Variants in CNTLN observed in about 807,000 individuals in gnomAD.
The protein encoded by CNTLN is centlein, centrosomal protein.
In CNTLN, 212 loss-of-function variants were observed where a neutral mutation model predicts 180.0. The ratio of observed to expected loss-of-function variants is 1.18; its 90% CI spans 1.05 to 1.32. The LOEUF is 1.32. Ranked by LOEUF, CNTLN falls within the 40% of genes most tolerant of loss-of-function variation. CNTLN has a pLI of 0.00. For missense variants in CNTLN, 2,095 were observed against 1,610.9 expected (o/e 1.30, Z -5.14); for synonymous variants, 722 against 563.1 (o/e 1.28, Z -3.99).
chr9:17,343,002 C>T (rs1821607582), intron 12 of CNTLN, among the ~76,000 whole-genome samples: 2 of 151,754 alleles, frequency 1.3e-5, no homozygotes, highest in South Asian at 4.2e-4. Context: ...TGGTAGTGAC[C>T]TGCAGAAGAC....
intron 15 of CNTLN, among the ~76,000 whole-genome samples, chr9:17,400,121 C>G (rs1826854690): frequency 6.6e-6 from 1 of 152,052 alleles, no homozygotes; most frequent in Non-Finnish European, 1.5e-5. Context: ...TTCTCCCCAA[C>G]ACAACTCTAC....
chr9:17,290,774 A>T (rs572536568), intron 6 of CNTLN, among the ~76,000 whole-genome samples: 74 of 151,756 alleles, frequency 4.9e-4, no homozygotes, highest in African/African-American at 1.7e-3. Flanking sequence ...CCGATTTTCC[A>T]GGTGCGTCTG....
At chr9:17,372,934 A>G (rs1824449881) in intron 13 of CNTLN, among the ~76,000 whole-genome samples, 1 of 152,206 alleles carries the variant, frequency 6.6e-6, no homozygotes, top group African/African-American at 2.4e-5. Flanking sequence ...ACATTCTTTC[A>G]TGAGAAAATC....
intron 5 of CNTLN, among the ~76,000 whole-genome samples, chr9:17,238,251 A>C (rs1825275030): frequency 6.6e-6 from 1 of 152,204 alleles, no homozygotes; most frequent in Non-Finnish European, 1.5e-5. Context: ...GAATTTTGGT[A>C]GTCATTTTAT....
intron 5 of CNTLN, among the ~76,000 whole-genome samples, chr9:17,262,886 A>G (rs1468669954): frequency 6.6e-6 from 1 of 151,230 alleles, no homozygotes; most frequent in East Asian, 1.9e-4. Flanking sequence ...GTGTTCCGTC[A>G]ATACCTAGTT....
intron 6 of CNTLN, among the ~76,000 whole-genome samples, chr9:17,290,600 C>T (rs1430719758): frequency 5.0e-5 from 7 of 141,322 alleles, no homozygotes; most frequent in Non-Finnish European, 7.9e-5. Context: ...GGGCGCCCCT[C>T]CCCCAGCCTG....
intron 14 of CNTLN, among the ~76,000 whole-genome samples, chr9:17,389,602 A>G (rs1412515640): frequency 6.6e-6 from 1 of 152,100 alleles, no homozygotes; most frequent in Non-Finnish European, 1.5e-5. Flanking sequence ...TACCTAATGT[A>G]GTTTTATCAA....
At chr9:17,339,680 G>T (rs1466188525) in intron 10 of CNTLN, among the ~76,000 whole-genome samples, 2 of 152,146 alleles carry the variant, frequency 1.3e-5, no homozygotes, top group African/African-American at 4.8e-5. Flanking sequence ...ATGAATAACA[G>T]TTATTAAAAT....
At chr9:17,137,600 T>C (rs1817808922) in intron 1 of CNTLN, among the ~76,000 whole-genome samples, 1 of 152,196 alleles carries the variant, frequency 6.6e-6, no homozygotes, top group African/African-American at 2.4e-5. Flanking sequence ...TCTATTCCTT[T>C]AAAAAATGCT....
intron 12 of CNTLN, among the ~76,000 whole-genome samples, chr9:17,351,031 C>G (rs1279917896): frequency 6.6e-6 from 1 of 152,092 alleles, no homozygotes; most frequent in Non-Finnish European, 1.5e-5. Context: ...TGTTAAATAA[C>G]CAGGAGGTAA....
At chr9:17,138,417 C>T (rs183873128) in intron 1 of CNTLN, among the ~76,000 whole-genome samples, 1 of 152,054 alleles carries the variant, frequency 6.6e-6, no homozygotes, top group African/African-American at 2.4e-5. Context: ...AAAGCTCATC[C>T]ACTTTAATGA....
Position 17,299,835 on chromosome 9 carries a change from G to C in CNTLN, c.1146+1483G>C, listed in dbSNP as rs140885730. On this transcript the variant is annotated intron_variant, in intron 7 of 25. Transcript: ENST00000380647. ...CTGTTGCTTGGAACATTTTTTTTCT[G>C]TTGCTTGAAACATTTTTTTCCCCTC... is the stretch of plus-strand genomic sequence containing the variant. 3,328 of 981,314 alleles carry C rather than the reference G, an allele frequency of 3.4e-3. 92 individuals carry two copies. The African/African-American group carries it at 0.055, about 16-fold the overall frequency. 60.8% of individuals were successfully genotyped at this position (981,314 alleles called of 1,614,324 possible).
the CNTLN span, among the ~76,000 whole-genome samples, chr9:17,517,891 C>A: frequency 1.3e-5 from 2 of 152,096 alleles, no homozygotes; most frequent in East Asian, 3.9e-4. Context: ...TGATTAAATG[C>A]CAGAATTAGA....
chr9:17,509,742 C>T, the CNTLN span, among the ~76,000 whole-genome samples: 2 of 152,088 alleles, frequency 1.3e-5, no homozygotes, highest in Non-Finnish European at 1.5e-5. Context: ...GGGAGTGGCA[C>T]CTCTCATCAT....
At chr9:17,341,614 C>A (rs1180393957) in intron 11 of CNTLN, among the ~76,000 whole-genome samples, 1 of 152,074 alleles carries the variant, frequency 6.6e-6, no homozygotes, top group African/African-American at 2.4e-5. Flanking sequence ...TCCTTTAGGG[C>A]AATGTTGATG....
intron 10 of CNTLN, among the ~76,000 whole-genome samples, chr9:17,334,675 C>G (rs1189348480): frequency 6.6e-6 from 1 of 151,990 alleles, no homozygotes; most frequent in Non-Finnish European, 1.5e-5. Flanking sequence ...AAACAGAAAA[C>G]TAAATATCAC....
chr9:17,257,798 T>C (rs1381423878), intron 5 of CNTLN, among the ~76,000 whole-genome samples: 1 of 150,286 alleles, frequency 6.7e-6, no homozygotes, highest in Non-Finnish European at 1.5e-5. Context: ...TCTGTTCATG[T>C]CCTTTGCCCA....
At chr9:17,453,078 G>T (rs575110038) in intron 18 of CNTLN, among the ~76,000 whole-genome samples, 7 of 152,240 alleles carry the variant, frequency 4.6e-5, no homozygotes, top group Non-Finnish European at 1.0e-4. Context: ...TTGGGAGGCC[G>T]AGGCGGGAGG....
At chr9:17,209,144 A>C (rs1823116026) in intron 2 of CNTLN, among the ~76,000 whole-genome samples, 2 of 152,122 alleles carry the variant, frequency 1.3e-5, no homozygotes, top group Admixed American at 1.3e-4. Context: ...TTATTATTTA[A>C]GAAAATTTTC....
Sources: gnomAD v4.1 joint callset for allele counts (sites outside exome capture counted in the v4.1 genomes callset) on GRCh38, gnomAD v4.1.1 for gene constraint, MANE v1.5 for transcripts, NCBI Gene and HGNC (gene_info 2026-07-23, HGNC 2026-07-21) for gene names.